RAD18: variants seen among roughly 807,000 people sequenced by gnomAD.
RAD18 encodes the protein E3 ubiquitin-protein ligase RAD18.
Under a neutral mutation model 60.4 loss-of-function variants are expected in RAD18, and 47 were observed. That is an observed-to-expected ratio of 0.78 (90% CI 0.62 to 0.99). The LOEUF (loss-of-function observed/expected upper bound fraction) is 0.99, where lower values mean the gene tolerates loss of function less well. Ranked by LOEUF, RAD18 falls within the 50% of genes least tolerant of loss-of-function variation. RAD18 has a pLI of 0.00. For missense variants in RAD18, 640 were observed against 593.3 expected, an observed-to-expected ratio of 1.08 and a Z score of -0.82; for synonymous variants, 225 against 195.5, an observed-to-expected ratio of 1.15 and a Z score of -1.26.
intron 12 of RAD18, among the ~76,000 whole-genome samples, chr3:8,886,153 T>TG (rs772726880): frequency 1.4e-4 from 21 of 152,226 alleles, no homozygotes; most frequent in Admixed American, 3.9e-4. Context: ...TCTTTAAGTG[T>TG]GGGGTGATTT....
intron 7 of RAD18, among the ~76,000 whole-genome samples, chr3:8,927,337 A>G (rs1386016752): frequency 6.6e-6 from 1 of 152,232 alleles, no homozygotes; most frequent in Non-Finnish European, 1.5e-5. Context: ...CATCAGAGAA[A>G]TGCAAATCAA....
chr3:8,947,521 T>A (rs1010655503), intron 3 of RAD18, among the ~76,000 whole-genome samples: 1 of 152,202 alleles, frequency 6.6e-6, no homozygotes, highest in Non-Finnish European at 1.5e-5. Context: ...GCTTCTCTTA[T>A]AATCATATAT....
chr3:8,921,850 T>G (rs1940326615), intron 7 of RAD18, among the ~76,000 whole-genome samples: 1 of 152,214 alleles, frequency 6.6e-6, no homozygotes, highest in African/African-American at 2.4e-5. Flanking sequence ...ATCTTTTCCA[T>G]TTTTATTTAG....
chr3:8,930,125 T>C (rs934359747), intron 7 of RAD18, among the ~76,000 whole-genome samples: 1 of 152,226 alleles, frequency 6.6e-6, no homozygotes, highest in African/African-American at 2.4e-5. Flanking sequence ...TGTACATAAA[T>C]GTTCATAACA....
intron 11 of RAD18, among the ~76,000 whole-genome samples, chr3:8,891,906 G>A (rs538765358): frequency 1.6e-4 from 24 of 152,226 alleles, no homozygotes; most frequent in African/African-American, 4.1e-4. Flanking sequence ...TACCATATCT[G>A]CTCAAAAACC....
intron 12 of RAD18, among the ~76,000 whole-genome samples, chr3:8,883,460 T>C (rs1939507438): frequency 6.6e-6 from 1 of 152,208 alleles, no homozygotes; most frequent in South Asian, 2.1e-4. Flanking sequence ...TTGATTAGCT[T>C]TGTAGTCCAC....
At chr3:8,958,416 G>C (rs1941044607) in intron 2 of RAD18, among the ~76,000 whole-genome samples, 1 of 152,164 alleles carries the variant, frequency 6.6e-6, no homozygotes, top group Non-Finnish European at 1.5e-5. Context: ...CTCTTAAAGA[G>C]AAGTACAAAC....
intron 7 of RAD18, among the ~76,000 whole-genome samples, chr3:8,926,490 A>G (rs1418249830): frequency 6.6e-6 from 1 of 152,228 alleles, no homozygotes; most frequent in Non-Finnish European, 1.5e-5. Context: ...TGCCCAAGGT[A>G]ATTTATAGAT....
chr3:8,892,436 G>T (rs924341845), intron 11 of RAD18, among the ~76,000 whole-genome samples: 1 of 152,174 alleles, frequency 6.6e-6, no homozygotes, highest in African/African-American at 2.4e-5. Flanking sequence ...ATCGAATCTT[G>T]AATTCGATGG....
Position 8,949,942 on chromosome 3 carries a change from T to C in RAD18, c.134-1372A>G, listed in dbSNP as rs376967552. Among the ~76,000 whole-genome samples, 140 of 152,324 alleles carry C rather than the reference T, an allele frequency of 9.2e-4. 5 individuals carry two copies. The South Asian group carries it at 0.028, about 31-fold the overall frequency. On this transcript the variant is annotated intron_variant, in intron 2 of 12. Coordinates refer to ENST00000264926, the MANE Select transcript of RAD18 (RefSeq NM_020165.4). ...TCTTCAAAGTTCTCACAGTGAATAT[T>C]GGAGAAAAACCCCCCAGTCCTTCCA...
intron 4 of RAD18, among the ~76,000 whole-genome samples, chr3:8,942,124 A>C (rs1940758730): frequency 6.6e-6 from 1 of 152,184 alleles, no homozygotes. Flanking sequence ...TGTCGTCTCC[A>C]CCAAATCTCA....
chr3:8,947,477 C>T (rs1031161290), intron 3 of RAD18, among the ~76,000 whole-genome samples, 187 bp from the exon 4 acceptor site: 1 of 152,184 alleles, frequency 6.6e-6, no homozygotes, highest in Non-Finnish European at 1.5e-5. Context: ...GAATCAGTAT[C>T]TGCTGACTGG....
intron 12 of RAD18, among the ~76,000 whole-genome samples, chr3:8,883,285 G>A (rs1393211510): frequency 6.6e-6 from 1 of 152,146 alleles, no homozygotes; most frequent in Non-Finnish European, 1.5e-5. Context: ...ATCAAAGTTG[G>A]TCAAAGAACC....
chr3:8,942,393 G>A lies in RAD18; in HGVS notation c.267-589C>T, dbSNP rs142867303. On this transcript the variant is annotated intron_variant, in intron 4 of 12. Transcript: ENST00000264926. Reference sequence around the variant, plus strand: ...TAAGCAGCCCAAGACCTCACTAGAAGCCGAGCAGATGGCTTGTACAGCTGC... The same window carrying A: ...TAAGCAGCCCAAGACCTCACTAGAAACCGAGCAGATGGCTTGTACAGCTGC... 3.1e-3 allele frequency among the ~76,000 whole-genome samples: 466 copies of A among 152,282 alleles called. 9 individuals are homozygous for A. Among genetic ancestry groups the A allele is most frequent in the East Asian group, 0.01 (54 of 5,188 alleles).
Position 8,956,182 on chromosome 3 carries a change from A to T in RAD18, c.133+2738T>A, listed in dbSNP as rs1941006497. On this transcript the variant is annotated intron_variant, in intron 2 of 12. Transcript: ENST00000264926. ...GTTAAGAACTTTCACCTTTTCACTT[A>T]AAGGAAGCATTTTATGGTTTCTCTT... is the stretch of plus-strand genomic sequence containing the variant. Among the ~76,000 whole-genome samples the T allele has an allele frequency of 2.6e-5, 4 of 152,288 alleles. No individual in the cohort carries two copies. The South Asian group carries it at 8.3e-4, about 32-fold the overall frequency.
chr3:8,939,933 G>A (rs759535111), intron 5 of RAD18, among the ~76,000 whole-genome samples: 5 of 152,100 alleles, frequency 3.3e-5, no homozygotes, highest in African/African-American at 9.7e-5. Context: ...AAAATGTTTC[G>A]GTTACATCTT....
chr3:8,939,866 T>C (rs532064934), intron 5 of RAD18, among the ~76,000 whole-genome samples: 1 of 152,306 alleles, frequency 6.6e-6, no homozygotes, highest in East Asian at 1.9e-4. Flanking sequence ...AGTCACAAAA[T>C]TGAAGTCCTG....
chr3:8,930,455 A>G (rs1940533614), intron 7 of RAD18, among the ~76,000 whole-genome samples: 1 of 152,186 alleles, frequency 6.6e-6, no homozygotes, highest in Non-Finnish European at 1.5e-5. Context: ...TCAGGGTAAC[A>G]AAATGTTCTA....
intron 9 of RAD18, among the ~76,000 whole-genome samples, chr3:8,910,396 C>T (rs374831878): frequency 2.0e-4 from 31 of 152,000 alleles, no homozygotes; most frequent in South Asian, 4.1e-4. Flanking sequence ...GTCAGGAGAT[C>T]GAGACCATCC....
Sources: allele counts gnomAD v4.1 joint callset (sites outside exome capture counted in the v4.1 genomes callset), GRCh38; gene constraint gnomAD v4.1.1; transcripts MANE v1.5; gene names NCBI Gene and HGNC (gene_info 2026-07-23, HGNC 2026-07-21).